SGCZ: variants seen among roughly 807,000 people sequenced by gnomAD.
SGCZ encodes sarcoglycan zeta, also known as zeta-sarcoglycan.
Under a neutral mutation model 41.3 loss-of-function variants are expected in SGCZ, and 40 were observed. That is an observed-to-expected ratio of 0.97 (90% CI 0.75 to 1.26). The LOEUF is 1.26. Ranked by LOEUF, SGCZ falls within the 50% of genes most tolerant of loss-of-function variation. The pLI, the probability that SGCZ is intolerant of heterozygous loss-of-function variation, is 0.00. For synonymous variants in SGCZ, 206 were observed against 137.5 expected (o/e 1.50, Z -3.49); for missense variants, 552 against 369.8 (o/e 1.49, Z -4.04).
chr8:14,427,170 C>T (rs556179922), intron 2 of SGCZ, among the ~76,000 whole-genome samples: 1 of 152,172 alleles, frequency 6.6e-6, no homozygotes, highest in East Asian at 1.9e-4. Context: ...ACACTAAATT[C>T]TCTTTGCCAA....
chr8:14,967,107 A>C (rs1801148629), intron 1 of SGCZ, among the ~76,000 whole-genome samples: 2 of 152,208 alleles, frequency 1.3e-5, no homozygotes, highest in Admixed American at 1.3e-4. Flanking sequence ...AGGCAGTAGA[A>C]TAAGTAAACT....
chr8:14,567,513 T>G (rs2117222447), intron 1 of SGCZ, among the ~76,000 whole-genome samples: 1 of 152,218 alleles, frequency 6.6e-6, no homozygotes, highest in Non-Finnish European at 1.5e-5. Flanking sequence ...AATCAGCACC[T>G]TGTCAAAACA....
At position 14,903,896 on chromosome 8, in the gene SGCZ, C is replaced by T. The variant is rs555078578; in HGVS notation, c.39+333689G>A. Among the ~76,000 whole-genome samples the T allele has an allele frequency of 3.3e-5, 5 of 151,976 alleles. No individual in the cohort carries two copies. In the South Asian group the frequency reaches 1.0e-3, roughly 32 times the overall value. ...TATACAGAAATCTAGGGAAGATTAA[C>T]CTTAGGAAAGCTTTACATTAAGAGG... is the stretch of plus-strand genomic sequence containing the variant. On this transcript the variant is annotated intron_variant, in intron 1 of 7. Coordinates refer to ENST00000382080, the MANE Select transcript of SGCZ (RefSeq NM_139167.4).
intron 1 of SGCZ, among the ~76,000 whole-genome samples, chr8:15,121,011 A>T (rs1478693663): frequency 6.6e-6 from 1 of 152,196 alleles, no homozygotes; most frequent in African/African-American, 2.4e-5. Flanking sequence ...ATCTGAACAC[A>T]TTGGATAAGT....
intron 4 of SGCZ, among the ~76,000 whole-genome samples, chr8:14,168,720 G>T (rs1323763284): frequency 2.0e-5 from 3 of 152,048 alleles, no homozygotes; most frequent in Non-Finnish European, 4.4e-5. Context: ...CGCATTGTGA[G>T]TTCTTTTATT....
At position 14,710,408 on chromosome 8, in the gene SGCZ, C is replaced by G. The variant is rs549660810; in HGVS notation, c.40-155482G>C. On this transcript the variant is annotated intron_variant, in intron 1 of 7. Coordinates refer to ENST00000382080, the MANE Select transcript of SGCZ (RefSeq NM_139167.4). Reference sequence around the variant, plus strand: ...AAAAAAAAAGAATAAATTAATGGTTCTTATTTTCAAACTTGATCTAACAAT... The same window carrying G: ...AAAAAAAAAGAATAAATTAATGGTTGTTATTTTCAAACTTGATCTAACAAT... Among the ~76,000 whole-genome samples, 19 of 146,348 alleles carry G rather than the reference C, an allele frequency of 1.3e-4. No individual in the cohort carries two copies. The East Asian group carries it at 3.9e-3, about 30-fold the overall frequency.
At chr8:14,283,630 C>A (rs1236167387) in intron 3 of SGCZ, among the ~76,000 whole-genome samples, 4 of 152,182 alleles carry the variant, frequency 2.6e-5, no homozygotes, top group Non-Finnish European at 5.9e-5. Flanking sequence ...TCTTACATAA[C>A]CATGTTATAA....
chr8:14,984,160 T>C (rs1210060551), intron 1 of SGCZ, among the ~76,000 whole-genome samples: 1 of 152,192 alleles, frequency 6.6e-6, no homozygotes, highest in Non-Finnish European at 1.5e-5. Context: ...ACATGTACAA[T>C]TATCAACCCA....
At chr8:15,185,115 C>T (rs1305279942) in intron 1 of SGCZ, among the ~76,000 whole-genome samples, 1 of 152,060 alleles carries the variant, frequency 6.6e-6, no homozygotes, top group Non-Finnish European at 1.5e-5. Context: ...ATCATCAGGG[C>T]AATTTTAATT....
At position 14,090,214 on chromosome 8, in the gene SGCZ, G is replaced by C; in HGVS notation, c.*229C>G. On this transcript the variant is annotated 3_prime_UTR_variant, in exon 8 of 8. Transcript: ENST00000382080. ...CCTTTCGAGCAAAAGTCATGATCCA[G>C]TTTTCCTGCTGACGACGCTTTTTCC... 2.6e-6 allele frequency: 1 copy of C among 377,582 alleles called. No individual in the cohort carries two copies. Among genetic ancestry groups the C allele is most frequent in the East Asian group, 4.0e-5 (1 of 24,978 alleles). The allele number at this position is 377,582 out of a possible 1,614,324, so 23.4% of individuals were successfully genotyped here.
At chr8:14,704,410 A>G (rs558173421) in intron 1 of SGCZ, among the ~76,000 whole-genome samples, 136 of 152,146 alleles carry the variant, frequency 8.9e-4, no homozygotes, top group African/African-American at 3.2e-3. Context: ...TCATTCTTTT[A>G]TATTCCAAAT....
chr8:14,847,169 A>AAGG (rs1803156595), intron 1 of SGCZ, among the ~76,000 whole-genome samples: 1 of 151,240 alleles, frequency 6.6e-6, no homozygotes, highest in African/African-American at 2.4e-5. Flanking sequence ...GAAGAAGAAG[A>AAGG]AGAAGAAGAA....
At chr8:14,090,734 AC>A in intron 7 of SGCZ, 97 bp from the exon 8 acceptor site, 1 of 1,046,990 alleles carries the variant, frequency 9.6e-7, no homozygotes, top group South Asian at 1.7e-5. Context: ...GGAAGTCGAC[AC>A]AACAAACAAT....
At chr8:14,453,018 G>T (rs371959619) in intron 2 of SGCZ, among the ~76,000 whole-genome samples, 1 of 151,972 alleles carries the variant, frequency 6.6e-6, no homozygotes, top group African/African-American at 2.4e-5. Context: ...CACAAGAATC[G>T]CTTGAACCCA....
chr8:14,954,632 G>A (rs74521572), intron 1 of SGCZ, among the ~76,000 whole-genome samples: 27,669 of 152,074 alleles, frequency 0.18, 3,078 homozygotes, highest in East Asian at 0.3. Flanking sequence ...AAGGGGCAAT[G>A]GGCAGCTTCC....
intron 1 of SGCZ, among the ~76,000 whole-genome samples, chr8:15,187,988 A>G (rs1458858238): frequency 6.6e-6 from 1 of 152,034 alleles, no homozygotes; most frequent in Non-Finnish European, 1.5e-5. Flanking sequence ...GTATGATACA[A>G]TAATTACATT....
intron 5 of SGCZ, among the ~76,000 whole-genome samples, chr8:14,113,602 G>C (rs1372801559): frequency 6.6e-6 from 1 of 151,942 alleles, no homozygotes; most frequent in Non-Finnish European, 1.5e-5. Flanking sequence ...ACACAACCAG[G>C]TGAACCCGGG....
chr8:14,865,414 C>T (rs1317030233), intron 1 of SGCZ, among the ~76,000 whole-genome samples: 1 of 147,766 alleles, frequency 6.8e-6, no homozygotes, highest in Non-Finnish European at 1.5e-5. Context: ...GATTTCTCCT[C>T]TTTAAATTAC....
chr8:14,576,773 T>C (rs938009938), intron 1 of SGCZ, among the ~76,000 whole-genome samples: 1 of 152,158 alleles, frequency 6.6e-6, no homozygotes, highest in Non-Finnish European at 1.5e-5. Context: ...GTTGGAAACA[T>C]GAGCAGATGC....
Sources: gnomAD v4.1 joint callset for allele counts (sites outside exome capture counted in the v4.1 genomes callset) on GRCh38, gnomAD v4.1.1 for gene constraint, MANE v1.5 for transcripts, NCBI Gene and HGNC (gene_info 2026-07-23, HGNC 2026-07-21) for gene names.